ZFYVE28: variants seen among roughly 807,000 people sequenced by gnomAD.
ZFYVE28 encodes the protein zinc finger FYVE-type containing 28, also known as lateral signaling target protein 2 homolog.
In ZFYVE28, 40 loss-of-function variants were observed where a neutral mutation model predicts 82.1. The observed-to-expected ratio is 0.49, with a 90% confidence interval of 0.38 to 0.63. ZFYVE28 has a LOEUF of 0.63. Among genes scored for constraint, ZFYVE28 ranks in the 30% least tolerant of loss-of-function variants. The pLI, the probability that ZFYVE28 is intolerant of heterozygous loss-of-function variation, is 0.00. For synonymous variants in ZFYVE28, 612 were observed against 546.1 expected, an observed-to-expected ratio of 1.12 and a Z score of -1.68; for missense variants, 1,321 against 1,242.1, an observed-to-expected ratio of 1.06 and a Z score of -0.96.
intron 1 of ZFYVE28, among the ~76,000 whole-genome samples, chr4:2,380,154 C>T (rs183087599): frequency 6.6e-6 from 1 of 152,182 alleles, no homozygotes; most frequent in Non-Finnish European, 1.5e-5. Context: ...CATCTTGGTA[C>T]ACCATCATTT....
chr4:2,293,235 G>A (rs934131791), intron 8 of ZFYVE28, among the ~76,000 whole-genome samples: 1 of 152,132 alleles, frequency 6.6e-6, no homozygotes, highest in African/African-American at 2.4e-5. Context: ...TGGGAATAAG[G>A]CAGAATCATC....
chr4:2,305,867 G>A (rs1716496074), intron 7 of ZFYVE28, among the ~76,000 whole-genome samples: 1 of 152,224 alleles, frequency 6.6e-6, no homozygotes, highest in Admixed American at 6.5e-5. Context: ...ACTCTAAGGA[G>A]TGAAAAAATA....
At position 2,300,326 on chromosome 4, in the gene ZFYVE28, T is replaced by C. The variant is rs1334284599; in HGVS notation, c.2051+3963A>G. ...AGGTTCTGGATCAAAGAGGTAAGGC[T>C]AGCTGAAGGGAAAATAAGCTTTTAA... is the stretch of plus-strand genomic sequence containing the variant. On this transcript the variant is annotated intron_variant, in intron 8 of 12. Coordinates refer to ENST00000290974, the MANE Select transcript of ZFYVE28 (RefSeq NM_020972.3). This position sits in a 1 kb window ranked among gnomAD's most constrained non-coding sequence, Gnocchi z 4.6. Among the ~76,000 whole-genome samples the C allele has an allele frequency of 2.0e-5, 3 of 152,308 alleles. No individual in the cohort carries two copies. Among genetic ancestry groups the C allele is most frequent in the African/African-American group, 4.8e-5 (2 of 41,568 alleles).
chr4:2,387,566 G>A (rs1729409793), intron 1 of ZFYVE28, among the ~76,000 whole-genome samples: 1 of 152,224 alleles, frequency 6.6e-6, no homozygotes, highest in Non-Finnish European at 1.5e-5. Context: ...AGAGCACAGA[G>A]GAGGCCTGGG....
chr4:2,362,957 G>A lies in ZFYVE28; in HGVS notation c.40-8884C>T, dbSNP rs953801112. ...GGTACTGGCCCTCCCTGTGGCCTTCGGGCCCACACGTGGCACCAAGCCCTG... is the reference window on the plus strand; with the variant it reads ...GGTACTGGCCCTCCCTGTGGCCTTCAGGCCCACACGTGGCACCAAGCCCTG... On this transcript the variant is annotated intron_variant, in intron 1 of 12. Coordinates refer to ENST00000290974, the MANE Select transcript of ZFYVE28 (RefSeq NM_020972.3). This position sits in a 1 kb window ranked among gnomAD's most constrained non-coding sequence, Gnocchi z 5.1. Among the ~76,000 whole-genome samples, 17 of 151,976 alleles carry A rather than the reference G, an allele frequency of 1.1e-4. No individual in the cohort carries two copies. Among genetic ancestry groups the A allele is most frequent in the African/African-American group, 3.9e-4 (16 of 41,392 alleles).
chr4:2,393,253 A>G (rs1261835656), intron 1 of ZFYVE28, among the ~76,000 whole-genome samples: 1 of 152,226 alleles, frequency 6.6e-6, no homozygotes, highest in African/African-American at 2.4e-5. Flanking sequence ...TTCCTTTTCT[A>G]GACACAGAAC....
intron 8 of ZFYVE28, among the ~76,000 whole-genome samples, chr4:2,283,696 A>G (rs1712309288): frequency 6.6e-6 from 1 of 152,226 alleles, no homozygotes; most frequent in Non-Finnish European, 1.5e-5. Flanking sequence ...GATGGCAGAG[A>G]TCAATAGGTG....
chr4:2,271,285 C>A lies in ZFYVE28; in HGVS notation c.2532+26G>T, dbSNP rs749043888. ...GTGGACGCCCTTGGATGCTGAGGGACCCTCCGTGCAAGGGGTCTCACCCAC... is the reference window on the plus strand; with the variant it reads ...GTGGACGCCCTTGGATGCTGAGGGAACCTCCGTGCAAGGGGTCTCACCCAC... On this transcript the variant is annotated intron_variant, in intron 12 of 12. Coordinates refer to ENST00000290974, the MANE Select transcript of ZFYVE28 (RefSeq NM_020972.3). 146 of 1,606,172 alleles carry A rather than the reference C, an allele frequency of 9.1e-5. 1 individual carries two copies. The highest frequency in any genetic ancestry group is 2.5e-4 in the Admixed American group (15 of 59,540).
intron 8 of ZFYVE28, among the ~76,000 whole-genome samples, chr4:2,298,346 C>T (rs1187644242): frequency 2.0e-5 from 3 of 152,166 alleles, no homozygotes; most frequent in Non-Finnish European, 4.4e-5. Flanking sequence ...TGCTGTTGGT[C>T]CGTTTTGCAT....
intron 8 of ZFYVE28, 29 bp downstream of exon 8, chr4:2,304,260 C>T: frequency 1.3e-6 from 2 of 1,530,742 alleles, no homozygotes; most frequent in Non-Finnish European, 1.7e-6. Context: ...AGAGGACAAA[C>T]CCAGTCTCTG....
rs548932677 is a variant in ZFYVE28 at position 2,365,551 on chromosome 4, C to T, written c.40-11478G>A. On this transcript the variant is annotated intron_variant, in intron 1 of 12. Transcript: ENST00000290974. ...CTCTCCTGTCCCTTCTTCAGGTCCACTCCCAAATCTCCCACCCTTTGGTGG... is the reference window on the plus strand; with the variant it reads ...CTCTCCTGTCCCTTCTTCAGGTCCATTCCCAAATCTCCCACCCTTTGGTGG... Among the ~76,000 whole-genome samples the T allele has an allele frequency of 1.4e-3, 208 of 152,240 alleles. 2 individuals carry two copies. The highest frequency in any genetic ancestry group is 4.8e-3 in the African/African-American group (201 of 41,560).
At chr4:2,389,029 T>C (rs1729555570) in intron 1 of ZFYVE28, among the ~76,000 whole-genome samples, 1 of 152,166 alleles carries the variant, frequency 6.6e-6, no homozygotes, top group African/African-American at 2.4e-5. Context: ...CATTCTCCAC[T>C]GTGGGGGAAG....
chr4:2,327,504 G>A (rs1341386109), intron 6 of ZFYVE28, among the ~76,000 whole-genome samples: 1 of 151,482 alleles, frequency 6.6e-6, no homozygotes, highest in South Asian at 2.1e-4. Flanking sequence ...TGAGTATAAC[G>A]TTAGCTGTGG....
In ZFYVE28 at chr4:2,333,315, T is replaced by TC. The variant is rs1239562913; in HGVS notation, c.701+2389dup. ...CCTCCTCTGGCCTCCCCTACCCTGATCCCCCAGCCCCCGCCTCCCCTTGCC... is the reference window on the plus strand; with the variant it reads ...CCTCCTCTGGCCTCCCCTACCCTGATCCCCCCAGCCCCCGCCTCCCCTTGCC... On this transcript the variant is annotated intron_variant, in intron 6 of 12. Transcript: ENST00000290974. 6.8e-5 allele frequency among the ~76,000 whole-genome samples: 9 copies of TC among 132,064 alleles called. No individual in the cohort carries two copies. The East Asian group carries it at 2.4e-3, about 35-fold the overall frequency. 86.6% of individuals were successfully genotyped at this position (132,064 alleles called of 152,430 possible).
chr4:2,330,422 G>A, intron 6 of ZFYVE28: 1 of 1,049,374 alleles, frequency 9.5e-7, no homozygotes, highest in Non-Finnish European at 1.2e-6. Flanking sequence ...CAGCACGGAA[G>A]AGGGGACATC....
At chr4:2,351,583 G>A (rs904505527) in intron 2 of ZFYVE28, among the ~76,000 whole-genome samples, 24 of 152,238 alleles carry the variant, frequency 1.6e-4, no homozygotes, top group South Asian at 1.2e-3. Context: ...GCATGGTGGC[G>A]CATGCCTGTA....
chr4:2,389,547 C>T (rs1049685994), intron 1 of ZFYVE28, among the ~76,000 whole-genome samples: 2 of 152,178 alleles, frequency 1.3e-5, no homozygotes, highest in African/African-American at 2.4e-5. Flanking sequence ...TAAGGCCAGG[C>T]GGCTTCTGAT....
chr4:2,401,566 G>C (rs1234176645), intron 1 of ZFYVE28, among the ~76,000 whole-genome samples: 2 of 152,166 alleles, frequency 1.3e-5, no homozygotes, highest in East Asian at 1.9e-4. Context: ...CCTCCTTCTG[G>C]CTCTGTGAGT....
At chr4:2,319,852 GATGGTGGGGACAATGGGA>G (rs1416114587) in intron 7 of ZFYVE28, among the ~76,000 whole-genome samples, 7 of 150,298 alleles carry the variant, frequency 4.7e-5, no homozygotes, top group African/African-American at 1.5e-4. Flanking sequence ...GGACGGTGGG[GATGGTGGGGACAATGGGA>G]ATGGTGGGGA....
Sources: gnomAD v4.1 joint callset for allele counts (sites outside exome capture counted in the v4.1 genomes callset) on GRCh38, gnomAD v4.1.1 for gene constraint, Gnocchi (gnomAD v3.1) non-coding constraint, MANE v1.5 for transcripts, NCBI Gene and HGNC (gene_info 2026-07-23, HGNC 2026-07-21) for gene names.